UNC13C: variants seen among roughly 807,000 people sequenced by gnomAD.
UNC13C encodes the protein unc-13 homolog C.
A neutral mutation model predicts 245.4 loss-of-function variants in UNC13C; 174 were observed. The observed-to-expected ratio is 0.71, with a 90% confidence interval of 0.63 to 0.80. The LOEUF (loss-of-function observed/expected upper bound fraction) is 0.80, where lower values mean the gene tolerates loss of function less well. Among genes scored for constraint, UNC13C ranks in the 30% least tolerant of loss-of-function variants. The probability of loss-of-function intolerance (pLI) is 0.00; values close to 1 mark genes in which losing one functional copy is unlikely to be tolerated. For synonymous variants in UNC13C, 992 were observed against 895.1 expected, an observed-to-expected ratio of 1.11 and a Z score of -1.93; for missense variants, 2,829 against 2,602.9, an observed-to-expected ratio of 1.09 and a Z score of -1.89.
At chr15:54,002,357 G>A (rs115617550) in intron 1 of UNC13C, among the ~76,000 whole-genome samples, 5,670 of 151,998 alleles carry the variant, frequency 0.037, 366 homozygotes, top group African/African-American at 0.13. Context: ...CGAGTAAGTC[G>A]CTTAGAAGCT....
intron 19 of UNC13C, among the ~76,000 whole-genome samples, chr15:54,420,751 C>T (rs1398517317): frequency 6.6e-6 from 1 of 151,848 alleles, no homozygotes. Flanking sequence ...ATGAGGTGAG[C>T]AAGAAATGAC....
rs576888302 is a variant in UNC13C, at chr15:54,369,314, C to T, written c.4714-23734C>T. ...GATAAGGTTAATTCGTAGACTTTCTCCCACAACAAAAGCATTGCCTTTGCC... is the reference window on the plus strand; with the variant it reads ...GATAAGGTTAATTCGTAGACTTTCTTCCACAACAAAAGCATTGCCTTTGCC... On this transcript the variant is annotated intron_variant, in intron 17 of 32. Coordinates refer to ENST00000260323, the MANE Select transcript of UNC13C (RefSeq NM_001080534.3). Among the ~76,000 whole-genome samples, 4 of 152,154 alleles carry T rather than the reference C, an allele frequency of 2.6e-5. No individual in the cohort carries two copies. In the East Asian group the frequency reaches 7.7e-4, roughly 29 times the overall value.
chr15:54,112,162 AG>A (rs1900811841), intron 2 of UNC13C, among the ~76,000 whole-genome samples: 3 of 152,218 alleles, frequency 2.0e-5, no homozygotes, highest in Admixed American at 2.0e-4. Flanking sequence ...CAACTTATGA[AG>A]CAACATCATT....
intron 14 of UNC13C, among the ~76,000 whole-genome samples, chr15:54,325,254 G>A (rs146410695): frequency 1.7e-3 from 259 of 151,442 alleles, no homozygotes; most frequent in African/African-American, 6.1e-3. Flanking sequence ...AACATTGAAG[G>A]CACACACACA....
intron 17 of UNC13C, among the ~76,000 whole-genome samples, chr15:54,362,278 G>T (rs985520657): frequency 6.6e-6 from 1 of 152,194 alleles, no homozygotes; most frequent in Non-Finnish European, 1.5e-5. Flanking sequence ...TGGAGAGATT[G>T]AATATCCACC....
At chr15:54,155,805 C>A (rs959896965) in intron 4 of UNC13C, among the ~76,000 whole-genome samples, 1 of 152,086 alleles carries the variant, frequency 6.6e-6, no homozygotes, top group African/African-American at 2.4e-5. Context: ...TTAAATTGGG[C>A]TTAAATGTTT....
intron 17 of UNC13C, among the ~76,000 whole-genome samples, chr15:54,341,739 G>A (rs184533051): frequency 3.3e-5 from 5 of 152,196 alleles, no homozygotes; most frequent in Non-Finnish European, 7.4e-5. Flanking sequence ...TTGCTTGGGA[G>A]GCCGAGGCAG....
At chr15:54,550,876 C>T (rs1043941448) in intron 28 of UNC13C, among the ~76,000 whole-genome samples, 1 of 152,124 alleles carries the variant, frequency 6.6e-6, no homozygotes, top group Admixed American at 6.6e-5. Context: ...CACATAAAAC[C>T]ATGAAGGTGA....
At chr15:54,287,807 G>T (rs73413846) in intron 10 of UNC13C, among the ~76,000 whole-genome samples, 1,775 of 152,252 alleles carry the variant, frequency 0.012, 32 homozygotes, top group African/African-American at 0.041. Context: ...TGTACTTATA[G>T]CATCTGCCAC....
intron 2 of UNC13C, among the ~76,000 whole-genome samples, chr15:54,067,197 A>C (rs1254260320): frequency 6.6e-6 from 1 of 152,130 alleles, no homozygotes; most frequent in Non-Finnish European, 1.5e-5. Context: ...TCAAGTAATT[A>C]CACTTACCTC....
chr15:54,455,204 T>TCC (rs1555467346), intron 19 of UNC13C, among the ~76,000 whole-genome samples: 1,596 of 53,794 alleles, frequency 0.03, 146 homozygotes, highest in Non-Finnish European at 0.036. Context: ...TCTCTCTCTC[T>TCC]CTATATATAT....
chr15:54,414,283 G>A (rs1052072005), intron 18 of UNC13C, among the ~76,000 whole-genome samples: 1 of 152,196 alleles, frequency 6.6e-6, no homozygotes, highest in African/African-American at 2.4e-5. Flanking sequence ...TATATGAGGT[G>A]TGATTTTTTA....
intron 19 of UNC13C, among the ~76,000 whole-genome samples, chr15:54,478,700 T>TTTCATTTG (rs1458597976): frequency 1.3e-5 from 2 of 151,678 alleles, no homozygotes; most frequent in Admixed American, 6.6e-5. Flanking sequence ...TTCTGTTCTT[T>TTTCATTTG]TTCATTTGCT....
At chr15:54,273,534 G>T (rs1386985423) in intron 10 of UNC13C, among the ~76,000 whole-genome samples, 1 of 152,092 alleles carries the variant, frequency 6.6e-6, no homozygotes, top group African/African-American at 2.4e-5. Flanking sequence ...TCAATAATTA[G>T]CTCAGTTCAT....
intron 1 of UNC13C, among the ~76,000 whole-genome samples, chr15:54,008,774 A>G (rs1003310372): frequency 3.6e-4 from 55 of 152,124 alleles, no homozygotes; most frequent in Non-Finnish European, 1.5e-4. Flanking sequence ...GTCAGTTACC[A>G]CTGGTAACAT....
chr15:54,602,492 A>T (rs1899493296), intron 30 of UNC13C, among the ~76,000 whole-genome samples: 1 of 152,200 alleles, frequency 6.6e-6, no homozygotes, highest in South Asian at 2.1e-4. Context: ...AGAGATGATC[A>T]GTAGATTATA....
chr15:53,939,646 A>T, the UNC13C span, among the ~76,000 whole-genome samples: 1 of 152,206 alleles, frequency 6.6e-6, no homozygotes, highest in African/African-American at 2.4e-5. Context: ...ACCACAATCA[A>T]GTTGGCTTCA....
At chr15:54,495,017 A>G (rs1351470308) in intron 20 of UNC13C, among the ~76,000 whole-genome samples, 1 of 152,036 alleles carries the variant, frequency 6.6e-6, no homozygotes, top group Non-Finnish European at 1.5e-5. Flanking sequence ...TTTCTGTAAA[A>G]ATACCAGAAC....
chr15:54,380,175 C>T (rs999433177), intron 17 of UNC13C, among the ~76,000 whole-genome samples: 3 of 151,210 alleles, frequency 2.0e-5, no homozygotes, highest in Non-Finnish European at 4.4e-5. Context: ...CCTGTTAACA[C>T]CATTCTACTA....
Sources: gnomAD v4.1 joint callset for allele counts (sites outside exome capture counted in the v4.1 genomes callset) on GRCh38, gnomAD v4.1.1 for gene constraint, MANE v1.5 for transcripts, NCBI Gene and HGNC (gene_info 2026-07-23, HGNC 2026-07-21) for gene names.